Variants in TMF1 observed in about 807,000 individuals in gnomAD.
TMF1 encodes TATA element modulatory factor.
Under a neutral mutation model 126.5 loss-of-function variants are expected in TMF1, and 71 were observed. The ratio of observed to expected loss-of-function variants is 0.56; its 90% CI spans 0.46 to 0.68. The LOEUF (loss-of-function observed/expected upper bound fraction) is 0.68. TMF1 is among the 30% of genes least tolerant of loss of function. The probability of loss-of-function intolerance (pLI) is 0.00; values close to 1 mark genes in which losing one functional copy is unlikely to be tolerated. For missense variants in TMF1, 1,259 were observed against 1,253.2 expected (o/e 1.00, Z -0.07); for synonymous variants, 461 against 430.5 (o/e 1.07, Z -0.88).
intron 16 of TMF1, among the ~76,000 whole-genome samples, chr3:69,023,705 T>C (rs759877321): frequency 2.0e-5 from 3 of 152,102 alleles, no homozygotes; most frequent in Middle Eastern, 3.2e-3. Flanking sequence ...TTCTCACTTA[T>C]GGCTTAACAG....
At chr3:69,045,776 G>C (rs894167527) in intron 2 of TMF1, among the ~76,000 whole-genome samples, 2 of 151,968 alleles carry the variant, frequency 1.3e-5, no homozygotes, top group Admixed American at 1.3e-4. Flanking sequence ...TAAAATAAAA[G>C]TAGGGCTGGA....
At chr3:69,032,844 C>G in intron 10 of TMF1, among the ~76,000 whole-genome samples, 1 of 152,032 alleles carries the variant, frequency 6.6e-6, no homozygotes. Flanking sequence ...CTCCTGGCGT[C>G]AAGTGATCCA....
At chr3:69,036,207 TAAAA>T (rs946088028) in intron 8 of TMF1, among the ~76,000 whole-genome samples, 11 of 152,124 alleles carry the variant, frequency 7.2e-5, no homozygotes, top group African/African-American at 2.4e-4. Context: ...ACTAAGTAAA[TAAAA>T]CAAGTTATAA....
chr3:69,040,721 A>C (rs1471260049), intron 5 of TMF1, among the ~76,000 whole-genome samples: 1 of 152,200 alleles, frequency 6.6e-6, no homozygotes, highest in Non-Finnish European at 1.5e-5. Context: ...CAGGAGTTCA[A>C]GACCAGCCTG....
intron 8 of TMF1, among the ~76,000 whole-genome samples, chr3:69,037,651 A>G (rs1026820148): frequency 5.3e-5 from 8 of 152,156 alleles, no homozygotes; most frequent in African/African-American, 1.7e-4. Flanking sequence ...TCACAAAAAA[A>G]GAAAATTAGC....
chr3:69,028,620 G>C (rs931448999), intron 11 of TMF1, among the ~76,000 whole-genome samples: 1 of 152,066 alleles, frequency 6.6e-6, no homozygotes, highest in African/African-American at 2.4e-5. Context: ...AGCTTATTAG[G>C]GAGTTCTATG....
rs1235276544 is a variant in TMF1 at position 69,052,033 on chromosome 3, G to GGACA, written c.50_53dup (p.Gln19ValfsTer8). On this transcript the variant is annotated frameshift_variant, in exon 1 of 17. Coordinates refer to ENST00000398559, the MANE Select transcript of TMF1 (RefSeq NM_007114.3). LOFTEE classifies it high-confidence loss of function. Reference sequence around the variant, plus strand: ...CCCTGTCAATAGACTTCTGGGCCTGGGACAGGGCCTGCTTAGCGAAGCTGG... The same window carrying GGACA: ...CCCTGTCAATAGACTTCTGGGCCTGGGACAGACAGGGCCTGCTTAGCGAAGCTGG... 6.2e-7 allele frequency: 1 copy of GGACA among 1,613,724 alleles called. No individual in the cohort carries two copies. Among genetic ancestry groups the GGACA allele is most frequent in the Non-Finnish European group, 8.5e-7 (1 of 1,179,892 alleles).
chr3:69,052,157 G>A lies in TMF1; in HGVS notation c.-71C>T, dbSNP rs2091934925. The A allele has an allele frequency of 3.4e-6, 5 of 1,485,104 alleles. No homozygotes were observed. The Admixed American group carries it at 6.6e-5, about 20-fold the overall frequency. The allele number at this position is 1,485,104 out of a possible 1,614,324, so 92.0% of individuals were successfully genotyped here. ...GGCCTCAGGCCTGGGGAAGGGTGCA[G>A]AGGAACGGCTTCGCTCCCCTTTTCC... On this transcript the variant is annotated 5_prime_UTR_variant, in exon 1 of 17. Coordinates refer to ENST00000398559, the MANE Select transcript of TMF1 (RefSeq NM_007114.3).
intron 2 of TMF1, among the ~76,000 whole-genome samples, chr3:69,044,881 AATT>A (rs549003789): frequency 1.8e-3 from 277 of 152,324 alleles, no homozygotes; most frequent in African/African-American, 6.5e-3. Context: ...TGATATAGAA[AATT>A]TCACTTTTAG....
rs199993661 is a variant in TMF1 at position 69,033,709 on chromosome 3, A to T, written c.2245-5T>A. On this transcript the variant is annotated splice_region_variant and splice_polypyrimidine_tract_variant and intron_variant, in intron 9 of 16. Transcript: ENST00000398559. Reference sequence around the variant, plus strand: ...ATTCTCTGCTTCCTGGAGTCTCTGAATCATGAAATTCTGAAGTCATTACCA... The same window carrying T: ...ATTCTCTGCTTCCTGGAGTCTCTGATTCATGAAATTCTGAAGTCATTACCA... 3.5e-5 allele frequency: 56 copies of T among 1,600,140 alleles called. No homozygotes were observed. In the East Asian group the frequency reaches 1.1e-3, roughly 31 times the overall value.
chr3:69,042,296 C>T (rs949230901), intron 5 of TMF1: 2 of 454,020 alleles, frequency 4.4e-6, no homozygotes, highest in African/African-American at 4.0e-5. Flanking sequence ...CCTCTGCCTC[C>T]CCAAGTGCTG....
intron 8 of TMF1, among the ~76,000 whole-genome samples, chr3:69,036,430 T>A (rs1458463376): frequency 6.6e-6 from 1 of 152,124 alleles, no homozygotes; most frequent in Non-Finnish European, 1.5e-5. Context: ...TATAAAACAG[T>A]GTGAATAATA....
intron 15 of TMF1, 65 bp from the exon 16 acceptor site, chr3:69,024,245 TA>T: frequency 7.5e-7 from 1 of 1,334,506 alleles, no homozygotes; most frequent in South Asian, 1.6e-5. Flanking sequence ...CCCAGTAATA[TA>T]AAAATATTTA....
rs2091724565 is a variant in TMF1, at chr3:69,020,706, T to C, written c.*2471A>G. On this transcript the variant is annotated 3_prime_UTR_variant, in exon 17 of 17. Coordinates refer to ENST00000398559, the MANE Select transcript of TMF1 (RefSeq NM_007114.3). ...TTTAACTTACAGAAGTATTGAGAGATCCAAGTGTTTAACAATCAAAATATG... is the reference window on the plus strand; with the variant it reads ...TTTAACTTACAGAAGTATTGAGAGACCCAAGTGTTTAACAATCAAAATATG... 1 of 152,126 alleles carries C rather than the reference T, an allele frequency of 6.6e-6. No individual in the cohort carries two copies. Among genetic ancestry groups the C allele is most frequent in the South Asian group, 2.1e-4 (1 of 4,828 alleles). The allele number at this position is 152,126 out of a possible 1,614,324, so 9.4% of individuals were successfully genotyped here. A position where few individuals can be genotyped will look rare whatever the true frequency, so the allele number is the denominator to read the frequency against.
At chr3:69,051,112 G>A (rs1304604026) in intron 1 of TMF1, among the ~76,000 whole-genome samples, 2 of 152,158 alleles carry the variant, frequency 1.3e-5, no homozygotes, top group African/African-American at 4.8e-5. Flanking sequence ...TGGCCATTCT[G>A]GGCCTCATTT....
chr3:69,051,924 C>T (rs1342687730), intron 1 of TMF1, 21 bp downstream of exon 1: 6 of 1,609,692 alleles, frequency 3.7e-6, no homozygotes, highest in African/African-American at 1.3e-5. Context: ...GAGCCAGGAA[C>T]CCCGCTCCTC....
At chr3:69,037,058 G>T (rs960902054) in intron 8 of TMF1, among the ~76,000 whole-genome samples, 6 of 151,612 alleles carry the variant, frequency 4.0e-5, no homozygotes, top group African/African-American at 1.5e-4. Context: ...ATTATACAAA[G>T]AACTCATAAT....
At chr3:69,025,940 A>G (rs2091764829) in intron 14 of TMF1, 56 bp downstream of exon 14, 6 of 1,426,844 alleles carry the variant, frequency 4.2e-6, no homozygotes, top group Admixed American at 1.9e-5. Context: ...TGCCATTTGC[A>G]TATTTCCTTT....
chr3:69,046,520 T>A (rs2314231), intron 2 of TMF1, among the ~76,000 whole-genome samples: 29 of 152,322 alleles, frequency 1.9e-4, no homozygotes, highest in South Asian at 6.2e-4. Context: ...GGCACTTTTT[T>A]AAAAAATTAA....
Sources: gnomAD v4.1 joint callset for allele counts (sites outside exome capture counted in the v4.1 genomes callset) on GRCh38, gnomAD v4.1.1 for gene constraint, MANE v1.5 for transcripts, NCBI Gene and HGNC (gene_info 2026-07-23, HGNC 2026-07-21) for gene names.